CNTNAP2: variants seen among roughly 807,000 people sequenced by gnomAD.
CNTNAP2 encodes the protein contactin associated protein 2.
In CNTNAP2, 98 loss-of-function variants were observed where a neutral mutation model predicts 155.2. The ratio of observed to expected loss-of-function variants is 0.63; its 90% CI spans 0.54 to 0.75. CNTNAP2 has a LOEUF of 0.75. CNTNAP2 is among the 30% of genes least tolerant of loss of function. The probability of loss-of-function intolerance (pLI) is 0.00; values close to 1 mark genes in which losing one functional copy is unlikely to be tolerated. For synonymous variants in CNTNAP2, 651 were observed against 631.2 expected, an observed-to-expected ratio of 1.03 and a Z score of -0.47; for missense variants, 1,727 against 1,688.1, an observed-to-expected ratio of 1.02 and a Z score of -0.40.
At chr7:147,693,008 A>G (rs1004499898) in intron 13 of CNTNAP2, among the ~76,000 whole-genome samples, 3 of 152,004 alleles carry the variant, frequency 2.0e-5, no homozygotes, top group African/African-American at 7.2e-5. Flanking sequence ...TTTTGAGTTC[A>G]TTGTTGTGAG....
intron 1 of CNTNAP2, among the ~76,000 whole-genome samples, chr7:146,152,969 A>T (rs1203674665): frequency 6.6e-6 from 1 of 152,118 alleles, no homozygotes; most frequent in Non-Finnish European, 1.5e-5. Context: ...AACAAATTTG[A>T]TCAAAATAGA....
chr7:146,686,620 G>A (rs142643368), intron 1 of CNTNAP2, among the ~76,000 whole-genome samples: 197 of 152,218 alleles, frequency 1.3e-3, no homozygotes, highest in African/African-American at 4.5e-3. Context: ...AATTTTTAAG[G>A]AGTTCTAATT....
chr7:147,784,042 T>C (rs945630988), intron 13 of CNTNAP2, among the ~76,000 whole-genome samples: 1 of 152,072 alleles, frequency 6.6e-6, no homozygotes, highest in Non-Finnish European at 1.5e-5. Context: ...CCCTTAGAGT[T>C]CCTTGATTTG....
At chr7:147,536,763 T>C (rs1244595089) in intron 11 of CNTNAP2, among the ~76,000 whole-genome samples, 1 of 152,178 alleles carries the variant, frequency 6.6e-6, no homozygotes, top group Non-Finnish European at 1.5e-5. Flanking sequence ...AATTTTTCAA[T>C]AGCTGCTTGA....
chr7:146,171,766 CTT>C (rs1798394716), intron 1 of CNTNAP2, among the ~76,000 whole-genome samples: 1 of 151,848 alleles, frequency 6.6e-6, no homozygotes. Context: ...ATTTAATAAA[CTT>C]TTAAAAATAT....
intron 13 of CNTNAP2, among the ~76,000 whole-genome samples, chr7:147,727,662 C>G (rs148121967): frequency 6.6e-6 from 1 of 151,370 alleles, no homozygotes; most frequent in East Asian, 2.0e-4. Context: ...GGAAGCAGCT[C>G]GTAGCATTTT....
chr7:147,412,834 G>T (rs1797127041), intron 10 of CNTNAP2, among the ~76,000 whole-genome samples: 1 of 152,120 alleles, frequency 6.6e-6, no homozygotes, highest in African/African-American at 2.4e-5. Context: ...ATAAACTAAG[G>T]CATGTGACAC....
intron 1 of CNTNAP2, among the ~76,000 whole-genome samples, chr7:146,612,380 T>C (rs2129154300): frequency 6.6e-6 from 1 of 152,294 alleles, no homozygotes; most frequent in South Asian, 2.1e-4. Flanking sequence ...TTTAAAAAGC[T>C]AGCATTTCAA....
intron 12 of CNTNAP2, among the ~76,000 whole-genome samples, chr7:147,584,495 G>T (rs548392677): frequency 6.6e-6 from 1 of 152,198 alleles, no homozygotes; most frequent in Admixed American, 6.5e-5. Context: ...TTCAAATTCT[G>T]TCCTAATAGC....
At chr7:148,343,827 C>T (rs564305674) in intron 21 of CNTNAP2, among the ~76,000 whole-genome samples, 6 of 152,252 alleles carry the variant, frequency 3.9e-5, no homozygotes, top group African/African-American at 7.2e-5. Context: ...ATGAGTTCCC[C>T]GGAATCAAGC....
chr7:147,906,930 C>A (rs1210231834), intron 14 of CNTNAP2, among the ~76,000 whole-genome samples: 1 of 152,206 alleles, frequency 6.6e-6, no homozygotes, highest in Non-Finnish European at 1.5e-5. Flanking sequence ...GGGACTTGGT[C>A]ACTGCTGGTG....
chr7:146,724,729 C>T (rs933703943), intron 1 of CNTNAP2, among the ~76,000 whole-genome samples: 9 of 151,772 alleles, frequency 5.9e-5, no homozygotes, highest in African/African-American at 2.2e-4. Flanking sequence ...GGCCACCATG[C>T]CCAGCTAATT....
intron 11 of CNTNAP2, among the ~76,000 whole-genome samples, chr7:147,519,217 C>A (rs767182325): frequency 3.3e-5 from 5 of 151,962 alleles, no homozygotes; most frequent in African/African-American, 4.8e-5. Flanking sequence ...ACAATCTGGT[C>A]CATTCTTTTT....
intron 4 of CNTNAP2, among the ~76,000 whole-genome samples, chr7:147,061,237 C>G (rs962300446): frequency 2.6e-5 from 4 of 152,056 alleles, no homozygotes; most frequent in African/African-American, 9.7e-5. Flanking sequence ...GCATTGAACA[C>G]TTACAAATTT....
intron 1 of CNTNAP2, among the ~76,000 whole-genome samples, chr7:146,135,376 C>G (rs1008623332): frequency 6.6e-6 from 1 of 152,026 alleles, no homozygotes; most frequent in African/African-American, 2.4e-5. Context: ...TATATAATCT[C>G]TCAGAGTTTA....
At chr7:148,061,923 AG>A (rs1375499498) in intron 15 of CNTNAP2, among the ~76,000 whole-genome samples, 1,138 of 69,838 alleles carry the variant, frequency 0.016, 63 homozygotes, top group African/African-American at 0.067. Context: ...AAACAGATAT[AG>A]ATAGATAGAT....
intron 3 of CNTNAP2, among the ~76,000 whole-genome samples, chr7:146,928,767 G>T (rs560205983): frequency 6.6e-6 from 1 of 152,290 alleles, no homozygotes; most frequent in Admixed American, 6.5e-5. Context: ...TTAAAAAGCG[G>T]TGCACCAGGA....
chr7:147,759,719 C>G (rs1370668658), intron 13 of CNTNAP2, among the ~76,000 whole-genome samples: 1 of 152,174 alleles, frequency 6.6e-6, no homozygotes, highest in Non-Finnish European at 1.5e-5. Flanking sequence ...TTTGAGGTTT[C>G]TAAGTGATGC....
At chr7:146,333,836 C>T (rs1395054550) in intron 1 of CNTNAP2, among the ~76,000 whole-genome samples, 1 of 152,146 alleles carries the variant, frequency 6.6e-6, no homozygotes, top group East Asian at 1.9e-4. Context: ...TCTAGGATCA[C>T]CATGCTTATC....
Sources: allele counts gnomAD v4.1 joint callset (sites outside exome capture counted in the v4.1 genomes callset), GRCh38; gene constraint gnomAD v4.1.1; transcripts MANE v1.5; gene names NCBI Gene and HGNC (gene_info 2026-07-23, HGNC 2026-07-21).